Variants in MEGF6 observed in about 807,000 individuals in gnomAD.
MEGF6 encodes multiple epidermal growth factor-like domains protein 6.
In MEGF6, 184 loss-of-function variants were observed where a neutral mutation model predicts 207.1. That is an observed-to-expected ratio of 0.89 (90% CI 0.79 to 1.00). The LOEUF (loss-of-function observed/expected upper bound fraction) is 1.00. Among genes scored for constraint, MEGF6 ranks in the 50% least tolerant of loss-of-function variants. The probability of loss-of-function intolerance (pLI) is 0.00; values close to 1 mark genes in which losing one functional copy is unlikely to be tolerated. For missense variants in MEGF6, 2,282 were observed against 2,202.9 expected (o/e 1.04, Z -0.72); for synonymous variants, 1,038 against 910.0 (o/e 1.14, Z -2.53).
the MEGF6 span, among the ~76,000 whole-genome samples, chr1:3,618,120 C>T: frequency 2.0e-5 from 3 of 152,170 alleles, no homozygotes; most frequent in African/African-American, 7.2e-5. This position sits in a 1 kb window ranked among gnomAD's most constrained non-coding sequence, Gnocchi z 4.7. Flanking sequence ...CCCATCACCC[C>T]GGCGCCATCC....
chr1:3,551,559 C>T (rs541067372), intron 4 of MEGF6, among the ~76,000 whole-genome samples: 1 of 152,300 alleles, frequency 6.6e-6, no homozygotes, highest in Admixed American at 6.5e-5. Context: ...AAGGTCAACA[C>T]AGACCCAACA....
intron 4 of MEGF6, among the ~76,000 whole-genome samples, chr1:3,567,530 C>T (rs932353524): frequency 1.3e-5 from 2 of 152,154 alleles, no homozygotes; most frequent in Non-Finnish European, 2.9e-5. Context: ...ATGGACATGC[C>T]CCCCCCAGGC....
At chr1:3,604,032 CCGGGACAGCAGGGGCTCCACCAGG>C (rs1644203802) in intron 1 of MEGF6, among the ~76,000 whole-genome samples, 1 of 152,190 alleles carries the variant, frequency 6.6e-6, no homozygotes, top group African/African-American at 2.4e-5. Context: ...GCCTCACCAG[CCGGGACAGCAGGGGCTCCACCAGG>C]CTGCTGTGGC....
intron 4 of MEGF6, among the ~76,000 whole-genome samples, chr1:3,548,876 C>T (rs999488780): frequency 2.0e-5 from 3 of 152,162 alleles, no homozygotes; most frequent in African/African-American, 7.2e-5. Context: ...TTCAGGGACC[C>T]CCCCACACCC....
In MEGF6 at chr1:3,499,642, C is replaced by G; in HGVS notation, c.2911G>C (p.Val971Leu). 6.3e-7 allele frequency: 1 copy of G among 1,593,968 alleles called. No homozygotes were observed. The highest frequency in any genetic ancestry group is 8.5e-7 in the Non-Finnish European group (1 of 1,171,326). ...NCTAGAACDA[V>L]NGSCLCPAGR... Reference sequence around the variant, plus strand: ...GCGGGGCAGAGGCAGGAGCCATTCACGGCATCACAGGCAGCTCCGGCGGTG... The same window carrying G: ...GCGGGGCAGAGGCAGGAGCCATTCAGGGCATCACAGGCAGCTCCGGCGGTG... The change falls in exon 23 of 37, where the codon GTG becomes CTG. Residue 971 changes from valine (V) to leucine (L), a missense_variant. By Grantham distance (32) the Val-to-Leu change is conservative. Coordinates refer to ENST00000356575, the MANE Select transcript of MEGF6 (RefSeq NM_001409.4).
At chr1:3,569,349 C>T (rs1643435363) in intron 4 of MEGF6, among the ~76,000 whole-genome samples, 2 of 152,252 alleles carry the variant, frequency 1.3e-5, no homozygotes, top group Admixed American at 6.5e-5. Context: ...GGCCAAAGGC[C>T]AATACCAAGT....
chr1:3,524,169 A>G lies in MEGF6; in HGVS notation c.559T>C (p.Cys187Arg). 1 of 1,612,650 alleles carries G rather than the reference A, an allele frequency of 6.2e-7. No homozygotes were observed. Among genetic ancestry groups the G allele is most frequent in the Non-Finnish European group, 8.5e-7 (1 of 1,179,794 alleles). ...VNTPGSYLCE[C>R]KPGFRLHTDS... ...GTGTGGAGCCGGAAGCCGGGCTTGC[A>G]CTCACAGAGGTAGGAGCCTGGGGTG... The change falls in exon 5 of 37, where the codon TGC (cysteine) becomes CGC (arginine). Residue 187 changes from cysteine to arginine, a missense_variant. Transcript: ENST00000356575.
intron 3 of MEGF6, among the ~76,000 whole-genome samples, chr1:3,587,003 G>A (rs12133810): frequency 0.63 from 96,554 of 152,140 alleles, 32,268 homozygotes; most frequent in Non-Finnish European, 0.74. Flanking sequence ...GTGCAAGGAG[G>A]AAGGCCACCA....
intron 3 of MEGF6, among the ~76,000 whole-genome samples, chr1:3,584,465 C>A (rs552459252): frequency 6.6e-6 from 1 of 152,316 alleles, no homozygotes; most frequent in Admixed American, 6.5e-5. Context: ...TTCCTCTCCT[C>A]CTTCCTCGCC....
upstream of MEGF6, among the ~76,000 whole-genome samples, chr1:3,616,382 C>A (rs537050683): frequency 1.4e-4 from 22 of 152,332 alleles, no homozygotes; most frequent in African/African-American, 5.3e-4. Flanking sequence ...ATGCAAGGTG[C>A]CCGCAGCAGT....
At chr1:3,581,664 T>A (rs1200331416) in intron 3 of MEGF6, among the ~76,000 whole-genome samples, 1 of 152,092 alleles carries the variant, frequency 6.6e-6, no homozygotes, top group African/African-American at 2.4e-5. Context: ...TAGCCCCAAA[T>A]AGCCAAGACC....
chr1:3,526,560 G>A (rs534775477), intron 4 of MEGF6, among the ~76,000 whole-genome samples: 14 of 152,170 alleles, frequency 9.2e-5, no homozygotes, highest in South Asian at 6.2e-4. Context: ...CACCACGCTC[G>A]GCTAATTTTT....
At chr1:3,580,610 C>T (rs1489837189) in intron 3 of MEGF6, among the ~76,000 whole-genome samples, 1 of 152,128 alleles carries the variant, frequency 6.6e-6, no homozygotes, top group Admixed American at 6.5e-5. Context: ...TACTGACAGA[C>T]CCACACTGCC....
intron 4 of MEGF6, among the ~76,000 whole-genome samples, chr1:3,557,844 A>T (rs1643080821): frequency 6.6e-6 from 1 of 152,186 alleles, no homozygotes; most frequent in Non-Finnish European, 1.5e-5. Flanking sequence ...AAAACCGTCT[A>T]ATCTATGAGG....
Position 3,565,309 on chromosome 1 carries a change from T to C in MEGF6, c.481+14516A>G, listed in dbSNP as rs1467531524. ...GTGAGAAACACACGTGCAGAGCCCA[T>C]CCCCAGACCCCACTCTGCCCCAGAG... On this transcript the variant is annotated intron_variant, in intron 4 of 36. Transcript: ENST00000356575. This position sits in a 1 kb window ranked among gnomAD's most constrained non-coding sequence, Gnocchi z 4.8. 6.7e-6 allele frequency among the ~76,000 whole-genome samples: 1 copy of C among 149,484 alleles called. No individual in the cohort carries two copies. The highest frequency in any genetic ancestry group is 1.5e-5 in the Non-Finnish European group (1 of 67,778).
At position 3,585,572 on chromosome 1, in the gene MEGF6, C is replaced by CACATGTCCTGTGTGTGG. The variant is rs1196440672; in HGVS notation, c.377-5660_377-5644dup. On this transcript the variant is annotated intron_variant, in intron 3 of 36. Transcript: ENST00000356575. Reference sequence around the variant, plus strand: ...TCCTGTGTGTGGGTGTGAATGAGGACACATGTCCTGTGTGTGGACACGTCC... The same window carrying CACATGTCCTGTGTGTGG: ...TCCTGTGTGTGGGTGTGAATGAGGACACATGTCCTGTGTGTGGACATGTCCTGTGTGTGGACACGTCC... Among the ~76,000 whole-genome samples the CACATGTCCTGTGTGTGG allele has an allele frequency of 5.9e-4, 69 of 117,796 alleles. 2 individuals are homozygous for CACATGTCCTGTGTGTGG. Among genetic ancestry groups the CACATGTCCTGTGTGTGG allele is most frequent in the African/African-American group, 2.3e-3 (65 of 28,402 alleles). 77.3% of individuals were successfully genotyped at this position (117,796 alleles called of 152,430 possible). A position where few individuals can be genotyped will look rare whatever the true frequency, so the allele number is the denominator to read the frequency against.
chr1:3,505,378 C>T (rs767666729), intron 16 of MEGF6, 36 bp from the exon 17 acceptor site: 35 of 1,605,200 alleles, frequency 2.2e-5, no homozygotes, highest in South Asian at 6.6e-5. Flanking sequence ...TGGGGTTAAC[C>T]GACCCTGGCG....
chr1:3,595,146 C>G (rs1050947433), intron 3 of MEGF6, among the ~76,000 whole-genome samples, 192 bp downstream of exon 3: 2 of 152,262 alleles, frequency 1.3e-5, no homozygotes, highest in Non-Finnish European at 2.9e-5. Context: ...TCTCTCTTTC[C>G]GCAGCTCTGC....
chr1:3,532,021 G>T (rs562124327), intron 4 of MEGF6, among the ~76,000 whole-genome samples: 1 of 152,370 alleles, frequency 6.6e-6, no homozygotes, highest in Admixed American at 6.5e-5. Flanking sequence ...CTTGGAGGGA[G>T]CCTGGGCGAG....
Sources: allele counts gnomAD v4.1 joint callset (sites outside exome capture counted in the v4.1 genomes callset), GRCh38; gene constraint gnomAD v4.1.1; non-coding constraint Gnocchi (gnomAD v3.1); transcripts MANE v1.5; gene names NCBI Gene and HGNC (gene_info 2026-07-23, HGNC 2026-07-21).